NCAM1: variants seen among roughly 807,000 people sequenced by gnomAD.
NCAM1 encodes the protein neural cell adhesion molecule 1.
A neutral mutation model predicts 109.8 loss-of-function variants in NCAM1; 14 were observed. The observed-to-expected ratio is 0.13, with a 90% CI of 0.08 to 0.20. NCAM1 has a LOEUF of 0.20. NCAM1 is among the 10% of genes least tolerant of loss of function. NCAM1 has a pLI of 1.00. For synonymous variants in NCAM1, 418 were observed against 442.9 expected (o/e 0.94, Z 0.70); for missense variants, 774 against 1,109.9 (o/e 0.70, Z 4.30).
chr11:113,080,978 T>G (rs1298835392), intron 1 of NCAM1, among the ~76,000 whole-genome samples: 3 of 152,234 alleles, frequency 2.0e-5, no homozygotes, highest in Non-Finnish European at 4.4e-5. Context: ...TCTTTTTAAT[T>G]AAGTTGCCGT....
intron 14 of NCAM1, 59 bp from the exon 15 acceptor site, chr11:113,246,309 A>G (rs1555120190): frequency 1.9e-5 from 14 of 724,578 alleles, no homozygotes; most frequent in Non-Finnish European, 5.1e-6. Context: ...CGTGCGTATC[A>G]TGTGACTTTG....
chr11:112,975,584 C>T (rs1418938920), intron 1 of NCAM1, among the ~76,000 whole-genome samples: 2 of 151,856 alleles, frequency 1.3e-5, no homozygotes, highest in Non-Finnish European at 2.9e-5. Context: ...GAAAGTTACT[C>T]ATCACGTTTA....
intron 1 of NCAM1, among the ~76,000 whole-genome samples, chr11:113,106,702 A>G (rs1463782095): frequency 6.6e-6 from 1 of 152,210 alleles, no homozygotes; most frequent in Non-Finnish European, 1.5e-5. Flanking sequence ...TAGGCCCACT[A>G]AGGGGGTTAT....
At chr11:113,224,981 G>A (rs1344849804) in intron 9 of NCAM1, among the ~76,000 whole-genome samples, 1 of 152,132 alleles carries the variant, frequency 6.6e-6, no homozygotes, top group East Asian at 1.9e-4. Flanking sequence ...CAAAGATGGG[G>A]AAAAAACAGA....
At position 113,274,383 on chromosome 11, in the gene NCAM1, T is replaced by C. The variant is rs2137812808; in HGVS notation, c.2457-884T>C. 6.6e-6 allele frequency among the ~76,000 whole-genome samples: 1 copy of C among 152,310 alleles called. No individual in the cohort carries two copies. The highest frequency in any genetic ancestry group is 2.1e-4 in the South Asian group (1 of 4,826). On this transcript the variant is annotated intron_variant, in intron 19 of 19. Transcript: ENST00000316851. This position sits in a 1 kb window ranked among gnomAD's most constrained non-coding sequence, Gnocchi z 4.1. ...GGCCTTAACCTTTCAGGTTTGTAAGTGTCTTGCCAAAATTCAGTGGCACCA... is the reference window on the plus strand; with the variant it reads ...GGCCTTAACCTTTCAGGTTTGTAAGCGTCTTGCCAAAATTCAGTGGCACCA...
intron 1 of NCAM1, among the ~76,000 whole-genome samples, chr11:113,149,369 T>C (rs1555101987): frequency 1.3e-5 from 2 of 152,026 alleles, no homozygotes; most frequent in African/African-American, 2.4e-5. Flanking sequence ...AAGGAAGAGA[T>C]TGGATTCAAA....
intron 15 of NCAM1, among the ~76,000 whole-genome samples, chr11:113,247,208 C>T (rs1304272520): frequency 6.6e-6 from 1 of 152,226 alleles, no homozygotes; most frequent in East Asian, 1.9e-4. Context: ...CTGCTCACAG[C>T]TTCCCTCACT....
At chr11:113,053,859 T>C (rs1034350500) in intron 1 of NCAM1, among the ~76,000 whole-genome samples, 26 of 152,156 alleles carry the variant, frequency 1.7e-4, no homozygotes, top group African/African-American at 6.3e-4. Flanking sequence ...TGTCCCTATG[T>C]TACTGAGAGC....
chr11:113,141,500 A>C (rs1409529412), intron 1 of NCAM1, among the ~76,000 whole-genome samples: 1 of 152,102 alleles, frequency 6.6e-6, no homozygotes, highest in African/African-American at 2.4e-5. Flanking sequence ...TAAATAAAAA[A>C]TAGCTGGGCG....
rs2137825375 is a variant in NCAM1 at position 113,276,031 on chromosome 11, T to A, written c.*644T>A. 1 of 152,656 alleles carries A rather than the reference T, an allele frequency of 6.6e-6. No individual in the cohort carries two copies. The highest frequency in any genetic ancestry group is 2.1e-4 in the South Asian group (1 of 4,820). The allele number at this position is 152,656 out of a possible 1,614,324, so 9.5% of individuals were successfully genotyped here. A position where few individuals can be genotyped will look rare whatever the true frequency, so the allele number is the denominator to read the frequency against. On this transcript the variant is annotated 3_prime_UTR_variant, in exon 20 of 20. Transcript: ENST00000316851. ...TGCAGCTTCTGGGGGTAGATCTCAA[T>A]TTGCAGTATTCAGACTTCTTTTTCT...
chr11:113,068,533 G>C (rs970446781), intron 1 of NCAM1, among the ~76,000 whole-genome samples: 3 of 152,154 alleles, frequency 2.0e-5, no homozygotes, highest in African/African-American at 7.2e-5. Context: ...TACAGTTTTG[G>C]AAACGCTGAT....
At chr11:113,250,023 G>A (rs1945622549) in intron 15 of NCAM1, among the ~76,000 whole-genome samples, 1 of 152,148 alleles carries the variant, frequency 6.6e-6, no homozygotes, top group Middle Eastern at 3.2e-3. Context: ...TGTATCCCGA[G>A]GCTCCCTGGA....
intron 1 of NCAM1, among the ~76,000 whole-genome samples, chr11:113,084,185 T>C (rs11214478): frequency 0.011 from 1,725 of 152,182 alleles, 32 homozygotes; most frequent in African/African-American, 0.039. Context: ...GTTGCTAGGA[T>C]ACAGACTTTA....
chr11:112,998,521 C>T (rs961979874), intron 1 of NCAM1, among the ~76,000 whole-genome samples: 3 of 152,074 alleles, frequency 2.0e-5, no homozygotes, highest in African/African-American at 7.2e-5. Context: ...TAGGTGTAAG[C>T]GTAGTCCCTG....
At chr11:113,048,695 T>C (rs566957695) in intron 1 of NCAM1, among the ~76,000 whole-genome samples, 2 of 152,220 alleles carry the variant, frequency 1.3e-5, no homozygotes, top group South Asian at 4.1e-4. Context: ...GACTTTGGGT[T>C]ATCCTGCCTG....
chr11:113,229,779 T>C (rs1229660732), intron 9 of NCAM1, among the ~76,000 whole-genome samples: 2 of 152,320 alleles, frequency 1.3e-5, no homozygotes, highest in East Asian at 3.9e-4. Flanking sequence ...TTATGTCCTT[T>C]GTAGGGACAT....
chr11:113,231,307 C>T, intron 9 of NCAM1: 6 of 1,534,644 alleles, frequency 3.9e-6, no homozygotes, highest in Non-Finnish European at 5.2e-6. Flanking sequence ...GCAATATCTG[C>T]TGGCCGGAGG....
At chr11:113,047,465 C>T (rs1020274954) in intron 1 of NCAM1, among the ~76,000 whole-genome samples, 3 of 152,094 alleles carry the variant, frequency 2.0e-5, no homozygotes, top group Non-Finnish European at 2.9e-5. Flanking sequence ...CAGGCCATAC[C>T]GGGTTGGAGG....
intron 8 of NCAM1, among the ~76,000 whole-genome samples, chr11:113,216,442 G>T (rs985975948): frequency 6.6e-6 from 1 of 152,014 alleles, no homozygotes; most frequent in Non-Finnish European, 1.5e-5. Context: ...GTGAGCCACC[G>T]CGCCCGGCCG....
Sources: allele counts gnomAD v4.1 joint callset (sites outside exome capture counted in the v4.1 genomes callset), GRCh38; gene constraint gnomAD v4.1.1; non-coding constraint Gnocchi (gnomAD v3.1); transcripts MANE v1.5; gene names NCBI Gene and HGNC (gene_info 2026-07-23, HGNC 2026-07-21).